The following GRIA2 variants were observed in gnomAD, a reference collection of about 807,000 sequenced individuals.
GRIA2 encodes the protein glutamate ionotropic receptor AMPA type subunit 2.
A neutral mutation model predicts 97.3 loss-of-function variants in GRIA2; 14 were observed. The observed-to-expected ratio is 0.14, with a 90% CI of 0.10 to 0.23. The LOEUF (loss-of-function observed/expected upper bound fraction) is 0.23. Among genes scored for constraint, GRIA2 ranks in the 10% least tolerant of loss-of-function variants. The pLI is 1.00. For missense variants in GRIA2, 558 were observed against 1,069.8 expected (o/e 0.52, Z 6.67); for synonymous variants, 412 against 387.8 (o/e 1.06, Z -0.73).
intron 12 of GRIA2, among the ~76,000 whole-genome samples, chr4:157,348,325 C>G (rs535541435): frequency 2.0e-5 from 3 of 151,936 alleles, no homozygotes; most frequent in African/African-American, 7.3e-5. Flanking sequence ...GGTAATGGCT[C>G]GCTGCAACCT....
intron 2 of GRIA2, among the ~76,000 whole-genome samples, chr4:157,262,298 G>A (rs1336003745): frequency 6.6e-6 from 1 of 151,866 alleles, no homozygotes; most frequent in East Asian, 1.9e-4. Flanking sequence ...TGCATTTTGG[G>A]GAGTCAAGCA....
intron 2 of GRIA2, among the ~76,000 whole-genome samples, chr4:157,286,955 T>A (rs1332782607): frequency 1.3e-5 from 2 of 151,600 alleles, no homozygotes; most frequent in Admixed American, 6.6e-5. Flanking sequence ...ATTTATTGAG[T>A]TGTGTTTTCT....
In GRIA2 at chr4:157,291,579, A is replaced by G. The variant is rs182283518; in HGVS notation, c.230-11973A>G. ...TGCATAAAAGAGTTTAATTATATACATTGATCAAATGCATCAGATAATTAT... is the reference window on the plus strand; with the variant it reads ...TGCATAAAAGAGTTTAATTATATACGTTGATCAAATGCATCAGATAATTAT... On this transcript the variant is annotated intron_variant, in intron 2 of 15. Transcript: ENST00000264426. Among the ~76,000 whole-genome samples the G allele has an allele frequency of 3.9e-5, 6 of 152,166 alleles. No individual in the cohort carries two copies. The East Asian group carries it at 9.6e-4, about 24-fold the overall frequency.
At position 157,241,990 on chromosome 4, in the gene GRIA2, C is replaced by T. The variant is rs183266757; in HGVS notation, c.229+20183C>T. On this transcript the variant is annotated intron_variant, in intron 2 of 15. Coordinates refer to ENST00000264426, the MANE Select transcript of GRIA2 (RefSeq NM_001083619.3). ...TTATTTCATCTTTGTAGTCCTCTCT[C>T]GTATTTAATTATAAGTTGCTTTTCT... Among the ~76,000 whole-genome samples, 5 of 152,154 alleles carry T rather than the reference C, an allele frequency of 3.3e-5. No homozygotes were observed. In the East Asian group the frequency reaches 9.7e-4, roughly 29 times the overall value.
intron 2 of GRIA2, among the ~76,000 whole-genome samples, chr4:157,294,955 A>G (rs1228056701): frequency 1.3e-5 from 2 of 152,156 alleles, no homozygotes; most frequent in East Asian, 1.9e-4. Flanking sequence ...TATCCCAAAG[A>G]TAAAGAATGA....
chr4:157,250,984 T>C (rs77787283), intron 2 of GRIA2, among the ~76,000 whole-genome samples: 7,601 of 152,174 alleles, frequency 0.05, 271 homozygotes, highest in Non-Finnish European at 0.078. Flanking sequence ...TTTTTCTCCT[T>C]TCACCTTTTT....
chr4:157,256,854 G>A (rs1405878969), intron 2 of GRIA2, among the ~76,000 whole-genome samples: 3 of 151,964 alleles, frequency 2.0e-5, no homozygotes, highest in Non-Finnish European at 2.9e-5. Context: ...TGTAGAAAGC[G>A]ACATGATTTT....
chr4:157,324,242 C>T (rs1423262588), intron 6 of GRIA2, among the ~76,000 whole-genome samples: 4 of 152,036 alleles, frequency 2.6e-5, no homozygotes, highest in Non-Finnish European at 2.9e-5. Context: ...TATGAGGTCC[C>T]TGAAGCTCAA....
chr4:157,261,458 T>G (rs1731530344), intron 2 of GRIA2, among the ~76,000 whole-genome samples: 1 of 152,110 alleles, frequency 6.6e-6, no homozygotes, highest in Non-Finnish European at 1.5e-5. Flanking sequence ...GTACTATTTT[T>G]TAAGTGTTAT....
At chr4:157,299,752 T>C (rs1733530548) in intron 2 of GRIA2, among the ~76,000 whole-genome samples, 3 of 152,190 alleles carry the variant, frequency 2.0e-5, no homozygotes, top group African/African-American at 4.8e-5. Flanking sequence ...AAAGTGTCTT[T>C]TAGAAGGACT....
chr4:157,243,923 C>T (rs1234649466), intron 2 of GRIA2, among the ~76,000 whole-genome samples: 5 of 147,714 alleles, frequency 3.4e-5, no homozygotes, highest in Non-Finnish European at 7.5e-5. Context: ...TGATAATAAA[C>T]AAATAGAAAA....
At chr4:157,223,728 G>A (rs1329056904) in intron 2 of GRIA2, among the ~76,000 whole-genome samples, 1 of 152,188 alleles carries the variant, frequency 6.6e-6, no homozygotes, top group African/African-American at 2.4e-5. Flanking sequence ...TGAATGTGAA[G>A]TGAAAGTATT....
At chr4:157,256,022 A>G (rs1731225454) in intron 2 of GRIA2, among the ~76,000 whole-genome samples, 1 of 150,602 alleles carries the variant, frequency 6.6e-6, no homozygotes, top group African/African-American at 2.4e-5. Flanking sequence ...AAGTATAAAA[A>G]TTCTTGATTC....
At chr4:157,297,327 G>A (rs1164662846) in intron 2 of GRIA2, among the ~76,000 whole-genome samples, 1 of 152,096 alleles carries the variant, frequency 6.6e-6, no homozygotes, top group Non-Finnish European at 1.5e-5. Flanking sequence ...CACTTGTCTT[G>A]TGGAATTGAT....
chr4:157,329,445 C>T (rs570050932), intron 6 of GRIA2, among the ~76,000 whole-genome samples: 2 of 151,932 alleles, frequency 1.3e-5, no homozygotes, highest in South Asian at 4.1e-4. Flanking sequence ...AAACACTATT[C>T]TTATGGAAAA....
At chr4:157,261,742 G>C (rs1328217094) in intron 2 of GRIA2, among the ~76,000 whole-genome samples, 1 of 152,010 alleles carries the variant, frequency 6.6e-6, no homozygotes, top group Non-Finnish European at 1.5e-5. Flanking sequence ...TATTATCTTT[G>C]GGTATTTACA....
Position 157,265,248 on chromosome 4 carries a change from A to G in GRIA2, c.230-38304A>G, listed in dbSNP as rs576420705. 5.9e-3 allele frequency among the ~76,000 whole-genome samples: 892 copies of G among 152,254 alleles called. 4 individuals are homozygous for G. Among genetic ancestry groups the G allele is most frequent in the South Asian group, 0.021 (101 of 4,816 alleles). ...CATAGTTTCTATCTCTGTGAGTTGA[A>G]ACACAGACAAGATGGAATATAAACA... is the stretch of plus-strand genomic sequence containing the variant. On this transcript the variant is annotated intron_variant, in intron 2 of 15. Transcript: ENST00000264426.
chr4:157,229,867 C>T (rs925598854), intron 2 of GRIA2, among the ~76,000 whole-genome samples: 2 of 152,056 alleles, frequency 1.3e-5, no homozygotes, highest in African/African-American at 4.8e-5. Context: ...AATACTTTCA[C>T]GCTGATGAAT....
intron 2 of GRIA2, among the ~76,000 whole-genome samples, chr4:157,240,530 G>C (rs1029396103): frequency 3.9e-5 from 6 of 151,934 alleles, no homozygotes; most frequent in African/African-American, 1.5e-4. Flanking sequence ...CCCCACTGGA[G>C]TTTTCTGTCT....
Sources: allele counts gnomAD v4.1 joint callset (sites outside exome capture counted in the v4.1 genomes callset), GRCh38; gene constraint gnomAD v4.1.1; transcripts MANE v1.5; gene names NCBI Gene and HGNC (gene_info 2026-07-23, HGNC 2026-07-21).